The following BAIAP2L1 variants were observed in gnomAD, a reference collection of about 807,000 sequenced individuals.
BAIAP2L1 encodes the protein BAR/IMD domain-containing adapter protein 2-like 1.
BAIAP2L1 carries 35 observed loss-of-function variants against 66.3 expected under a neutral mutation model. The ratio of observed to expected loss-of-function variants is 0.53; its 90% CI spans 0.40 to 0.70. The LOEUF (loss-of-function observed/expected upper bound fraction) is 0.70. Among genes scored for constraint, BAIAP2L1 ranks in the 30% least tolerant of loss-of-function variants. The pLI is 0.00. For synonymous variants in BAIAP2L1, 269 were observed against 248.7 expected (o/e 1.08, Z -0.77); for missense variants, 622 against 656.9 (o/e 0.95, Z 0.58).
chr7:98,336,094 T>C (rs1295650910), intron 3 of BAIAP2L1, among the ~76,000 whole-genome samples: 1 of 134,630 alleles, frequency 7.4e-6, no homozygotes, highest in African/African-American at 2.8e-5. Context: ...ACCTCCACAT[T>C]GGGTACTCGT....
At chr7:98,375,117 C>G (rs931093375) in intron 1 of BAIAP2L1, among the ~76,000 whole-genome samples, 2 of 151,558 alleles carry the variant, frequency 1.3e-5, no homozygotes, top group Non-Finnish European at 2.9e-5. Flanking sequence ...ACAAAAAGGC[C>G]AGGCGTGGTG....
At chr7:98,338,137 A>G (rs1050610001) in intron 3 of BAIAP2L1, among the ~76,000 whole-genome samples, 20 of 152,232 alleles carry the variant, frequency 1.3e-4, no homozygotes, top group African/African-American at 4.3e-4. Context: ...TCGTTACCTT[A>G]AGAGATGCCG....
At chr7:98,344,700 C>T (rs547401712) in intron 3 of BAIAP2L1, among the ~76,000 whole-genome samples, 3 of 151,874 alleles carry the variant, frequency 2.0e-5, no homozygotes, top group South Asian at 2.1e-4. Flanking sequence ...TTTGGGAGGC[C>T]GAGGTGGGCG....
chr7:98,308,587 T>C, intron 9 of BAIAP2L1: 3 of 309,210 alleles, frequency 9.7e-6, no homozygotes, highest in South Asian at 8.9e-5. Context: ...TCTCTACCCA[T>C]GAGCACGAGG....
chr7:98,364,663 T>A (rs760311839), intron 1 of BAIAP2L1, among the ~76,000 whole-genome samples: 1 of 151,850 alleles, frequency 6.6e-6, no homozygotes, highest in South Asian at 2.1e-4. Context: ...CAGAGTAGAT[T>A]GAAACTATTT....
intron 3 of BAIAP2L1, among the ~76,000 whole-genome samples, chr7:98,326,016 G>A (rs1189938991): frequency 6.6e-6 from 1 of 152,234 alleles, no homozygotes; most frequent in African/African-American, 2.4e-5. Context: ...GGGTGCAATG[G>A]CTCACGTCCG....
At chr7:98,400,126 G>A (rs12704989) in intron 1 of BAIAP2L1, 5 of 150,002 alleles carry the variant, frequency 3.3e-5, no homozygotes, top group African/African-American at 7.4e-5. Context: ...CAAGAAGTTG[G>A]GAGGAGGACG....
chr7:98,299,746 TTAAAA>T (rs1270966224), intron 12 of BAIAP2L1, among the ~76,000 whole-genome samples: 5 of 152,192 alleles, frequency 3.3e-5, no homozygotes, highest in South Asian at 2.1e-4. Context: ...ATATGGCTAC[TTAAAA>T]TAAAATTTGC....
At chr7:98,328,155 T>C (rs928724701) in intron 3 of BAIAP2L1, among the ~76,000 whole-genome samples, 2 of 152,092 alleles carry the variant, frequency 1.3e-5, no homozygotes, top group African/African-American at 4.8e-5. Context: ...TGCTGACCTC[T>C]GAGTAATAGA....
At chr7:98,343,983 A>G (rs1323573853) in intron 3 of BAIAP2L1, among the ~76,000 whole-genome samples, 1 of 152,226 alleles carries the variant, frequency 6.6e-6, no homozygotes, top group Non-Finnish European at 1.5e-5. Context: ...GATCGAGACC[A>G]TCCTGGCCAA....
chr7:98,385,964 C>G, intron 1 of BAIAP2L1: 1 of 1,486,496 alleles, frequency 6.7e-7, no homozygotes, highest in Middle Eastern at 1.7e-4. Flanking sequence ...ACGAAGACAT[C>G]ATGGAGAGGA....
intron 1 of BAIAP2L1, among the ~76,000 whole-genome samples, chr7:98,381,694 T>G (rs1802762837): frequency 1.3e-5 from 2 of 152,188 alleles, no homozygotes; most frequent in African/African-American, 4.8e-5. Context: ...ATTCAGTTGC[T>G]TAAAGAGACA....
intron 12 of BAIAP2L1, among the ~76,000 whole-genome samples, chr7:98,302,462 C>T (rs1800467930): frequency 6.6e-6 from 1 of 152,186 alleles, no homozygotes; most frequent in Non-Finnish European, 1.5e-5. Flanking sequence ...AGATGGACGT[C>T]CACACGTGCC....
Position 98,393,383 on chromosome 7 carries a change from T to C in BAIAP2L1, c.51+7419A>G, listed in dbSNP as rs1490136056. On this transcript the variant is annotated intron_variant, in intron 1 of 13. Transcript: ENST00000005260. ...ACATAAGGGATGTTGAAAGCACAGA[T>C]GAACCCTATTTAAACTGGAGCTCGG... 5.3e-5 allele frequency among the ~76,000 whole-genome samples: 8 copies of C among 151,954 alleles called. No individual in the cohort carries two copies. The South Asian group carries it at 1.7e-3, about 32-fold the overall frequency.
intron 3 of BAIAP2L1, among the ~76,000 whole-genome samples, chr7:98,350,011 G>A (rs1801963844): frequency 6.6e-6 from 1 of 152,018 alleles, no homozygotes. Context: ...CATCTACAAG[G>A]GAGGCTGAGG....
At position 98,371,001 on chromosome 7, in the gene BAIAP2L1, A is replaced by G. The variant is rs1270926606; in HGVS notation, c.52-8569T>C. ...GTCCCACATTTTGGGGGAGAGCTGT[A>G]GTTGAGGCAAAGGTCGGTGCTACTG... On this transcript the variant is annotated intron_variant, in intron 1 of 13. Coordinates refer to ENST00000005260, the MANE Select transcript of BAIAP2L1 (RefSeq NM_018842.5). Among the ~76,000 whole-genome samples, 4 of 152,196 alleles carry G rather than the reference A, an allele frequency of 2.6e-5. No individual in the cohort carries two copies. The South Asian group carries it at 6.2e-4, about 24-fold the overall frequency.
At chr7:98,320,422 G>A (rs1165770407) in intron 3 of BAIAP2L1, 124 bp from the exon 4 acceptor site, 5 of 680,284 alleles carry the variant, frequency 7.3e-6, no homozygotes, top group African/African-American at 1.8e-5. Flanking sequence ...TGCAACCTCC[G>A]CCTCCCGGGT....
At chr7:98,359,532 G>A (rs1024693152) in intron 2 of BAIAP2L1, among the ~76,000 whole-genome samples, 2 of 152,052 alleles carry the variant, frequency 1.3e-5, no homozygotes, top group African/African-American at 4.8e-5. Flanking sequence ...CGGCCTCCCA[G>A]TGTGCTGGGA....
chr7:98,328,390 T>C (rs1248667536), intron 3 of BAIAP2L1, among the ~76,000 whole-genome samples: 1 of 152,196 alleles, frequency 6.6e-6, no homozygotes, highest in African/African-American at 2.4e-5. Context: ...TTAGTACCTG[T>C]GCATCCCCGG....
Sources: allele counts gnomAD v4.1 joint callset (sites outside exome capture counted in the v4.1 genomes callset), GRCh38; gene constraint gnomAD v4.1.1; transcripts MANE v1.5; gene names NCBI Gene and HGNC (gene_info 2026-07-23, HGNC 2026-07-21).